The following VAMP7 variants were observed in gnomAD, a reference collection of about 807,000 sequenced individuals.
VAMP7 encodes vesicle-associated membrane protein 7.
VAMP7 carries 14 observed loss-of-function variants against 29.6 expected under a neutral mutation model. The ratio of observed to expected loss-of-function variants is 0.47; its 90% CI spans 0.31 to 0.74. VAMP7 has a LOEUF of 0.74. Among genes scored for constraint, VAMP7 ranks in the 30% least tolerant of loss-of-function variants. The pLI, the probability that VAMP7 is intolerant of heterozygous loss-of-function variation, is 0.05. For synonymous variants in VAMP7, 95 were observed against 88.1 expected (o/e 1.08, Z -0.44); for missense variants, 223 against 262.4 (o/e 0.85, Z 1.04).
intron 5 of VAMP7, among the ~76,000 whole-genome samples, chrX:155,909,471 A>C (rs1416093662): frequency 6.6e-6 from 1 of 151,914 alleles, no homozygotes; most frequent in Non-Finnish European, 1.5e-5. Flanking sequence ...TCTGTTCTCT[A>C]TTTAATTTGT....
At chrX:155,900,473 A>G (rs1367206439) in intron 4 of VAMP7, 24 bp from the exon 5 acceptor site, 2 of 1,566,148 alleles carry the variant, frequency 1.3e-6, no homozygotes, top group African/African-American at 2.7e-5. Flanking sequence ...TAGGTACCAT[A>G]AGTTAAAACT....
rs749755782 is a variant in VAMP7 at position 155,908,315 on chromosome X, G to A, written c.433+7728G>A. Among the ~76,000 whole-genome samples the A allele has an allele frequency of 2.2e-4, 34 of 152,312 alleles. 1 individual carries two copies. In the South Asian group the frequency reaches 2.9e-3, roughly 13 times the overall value. On this transcript the variant is annotated intron_variant, in intron 5 of 7. Coordinates refer to ENST00000286448, the MANE Select transcript of VAMP7 (RefSeq NM_005638.6). ...ACTCCGTCTGCAATCCCGGCACCTC[G>A]GGAGGCCGAGGCTGGCGGATCACTC... is the stretch of plus-strand genomic sequence containing the variant.
At chrX:155,940,116 G>A (rs944246247) in intron 7 of VAMP7, among the ~76,000 whole-genome samples, 1 of 151,918 alleles carries the variant, frequency 6.6e-6, no homozygotes, top group African/African-American at 2.4e-5. Flanking sequence ...AATTAATTAT[G>A]TATTTTTAAA....
intron 5 of VAMP7, among the ~76,000 whole-genome samples, chrX:155,902,294 T>A (rs1161887200): frequency 6.6e-6 from 1 of 152,094 alleles, no homozygotes; most frequent in Non-Finnish European, 1.5e-5. Flanking sequence ...TTTCTAGATA[T>A]ACAATCATGT....
intron 5 of VAMP7, among the ~76,000 whole-genome samples, chrX:155,907,079 A>G (rs1441828669): frequency 1.3e-5 from 2 of 151,926 alleles, no homozygotes; most frequent in African/African-American, 2.4e-5. Context: ...GTTCTTTATT[A>G]ATATGATGTA....
chrX:155,907,387 G>C (rs2066161740), intron 5 of VAMP7, among the ~76,000 whole-genome samples: 1 of 152,126 alleles, frequency 6.6e-6, no homozygotes, highest in African/African-American at 2.4e-5. Context: ...AGTGAACAAA[G>C]GTCTCTGGTT....
chrX:155,935,302 C>T (rs1019834186), intron 6 of VAMP7, among the ~76,000 whole-genome samples: 1 of 152,148 alleles, frequency 6.6e-6, no homozygotes, highest in African/African-American at 2.4e-5. Context: ...TGTTTTCCAA[C>T]TTGGTTCCAT....
At chrX:155,922,068 G>C (rs935423095) in intron 6 of VAMP7, among the ~76,000 whole-genome samples, 1 of 151,828 alleles carries the variant, frequency 6.6e-6, no homozygotes, top group African/African-American at 2.4e-5. Flanking sequence ...CTTTTGTATT[G>C]TGTAACAAAT....
At chrX:155,913,278 T>C (rs1254911913) in intron 5 of VAMP7, among the ~76,000 whole-genome samples, 2 of 152,200 alleles carry the variant, frequency 1.3e-5, no homozygotes, top group African/African-American at 2.4e-5. Flanking sequence ...ATTAGCCCTT[T>C]GTCAGATGGA....
At chrX:155,929,068 G>A (rs1051220008) in intron 6 of VAMP7, among the ~76,000 whole-genome samples, 1 of 152,094 alleles carries the variant, frequency 6.6e-6, no homozygotes, top group African/African-American at 2.4e-5. Context: ...TTTTTGACTG[G>A]TGTAGAATTC....
intron 5 of VAMP7, among the ~76,000 whole-genome samples, chrX:155,902,576 G>A (rs957170239): frequency 6.6e-6 from 1 of 151,620 alleles, no homozygotes; most frequent in African/African-American, 2.4e-5. Context: ...TTTTTAGCAT[G>A]AAGGGTTGTT....
intron 5 of VAMP7, among the ~76,000 whole-genome samples, chrX:155,913,128 A>G (rs753748973): frequency 6.6e-6 from 1 of 152,140 alleles, no homozygotes; most frequent in Non-Finnish European, 1.5e-5. Flanking sequence ...ATGACCCGTG[A>G]TGATGAGCTT....
intron 1 of VAMP7, among the ~76,000 whole-genome samples, chrX:155,883,528 ATGT>A (rs1322122552): frequency 6.6e-6 from 1 of 152,172 alleles, no homozygotes; most frequent in African/African-American, 2.4e-5. Context: ...GCAAGAATTA[ATGT>A]AATAGATCCT....
chrX:155,918,553 T>A (rs2066346746), intron 5 of VAMP7, among the ~76,000 whole-genome samples: 3 of 152,126 alleles, frequency 2.0e-5, no homozygotes. Flanking sequence ...TTCCCTTGGT[T>A]AGGGGAGGGA....
rs1199653315 is a variant in VAMP7, at chrX:155,895,680, T to C, written c.204T>C (p.Asp68=). The change falls in exon 3 of 8, where the codon GAT becomes GAC. Residue 68 remains aspartate, a splice_region_variant and synonymous_variant. Coordinates refer to ENST00000286448, the MANE Select transcript of VAMP7 (RefSeq NM_005638.6). ...TTGTATATCTTTGTATCACTGATGA[T>C]GTAAGTAACTTGAAGACATATTGCT... is the stretch of plus-strand genomic sequence containing the variant. The part of the protein sequence containing the change: ...DRIVYLCITD[D]DFERSRAFNF... 3.1e-6 allele frequency: 5 copies of C among 1,607,496 alleles called. No individual in the cohort carries two copies. The Admixed American group carries it at 5.0e-5, about 16-fold the overall frequency.
At chrX:155,935,058 G>C (rs2066627316) in intron 6 of VAMP7, among the ~76,000 whole-genome samples, 1 of 152,144 alleles carries the variant, frequency 6.6e-6, no homozygotes, top group African/African-American at 2.4e-5. Context: ...TAGAGTTTCT[G>C]CCGAGAGATC....
chrX:155,889,733 G>C (rs1437007353), intron 2 of VAMP7, 121 bp downstream of exon 2: 39 of 1,164,278 alleles, frequency 3.3e-5, no homozygotes, highest in Non-Finnish European at 4.2e-5. Flanking sequence ...TGACAGAATA[G>C]TAACCTTCAC....
At chrX:155,888,667 T>C (rs1225689579) in intron 1 of VAMP7, among the ~76,000 whole-genome samples, 20 of 152,202 alleles carry the variant, frequency 1.3e-4, no homozygotes, top group Non-Finnish European at 2.8e-4. Flanking sequence ...TAGTAATGTT[T>C]TGTTTATGAA....
At chrX:155,916,375 T>G (rs1449373040) in intron 5 of VAMP7, among the ~76,000 whole-genome samples, 1 of 152,218 alleles carries the variant, frequency 6.6e-6, no homozygotes, top group Non-Finnish European at 1.5e-5. Flanking sequence ...AATATTGTTA[T>G]GTGTGAATTT....
Sources: gnomAD v4.1 joint callset for allele counts (sites outside exome capture counted in the v4.1 genomes callset) on GRCh38, gnomAD v4.1.1 for gene constraint, MANE v1.5 for transcripts, NCBI Gene and HGNC (gene_info 2026-07-23, HGNC 2026-07-21) for gene names.